Variants in RHOBTB1 observed in about 807,000 individuals in gnomAD.
RHOBTB1 encodes rho-related BTB domain-containing protein 1.
RHOBTB1 carries 40 observed loss-of-function variants against 71.6 expected under a neutral mutation model. The ratio of observed to expected loss-of-function variants is 0.56; its 90% CI spans 0.43 to 0.73. RHOBTB1 has a LOEUF of 0.73. Among genes scored for constraint, RHOBTB1 ranks in the 30% least tolerant of loss-of-function variants. The pLI is 0.00. For synonymous variants in RHOBTB1, 319 were observed against 334.9 expected (o/e 0.95, Z 0.52); for missense variants, 797 against 894.0 (o/e 0.89, Z 1.38).
intron 1 of RHOBTB1, among the ~76,000 whole-genome samples, chr10:60,991,225 G>A (rs933427594): frequency 1.4e-4 from 22 of 151,928 alleles, no homozygotes; most frequent in African/African-American, 7.3e-5. Flanking sequence ...TAAAATTGAT[G>A]ATGTAACTAA....
intron 2 of RHOBTB1, among the ~76,000 whole-genome samples, chr10:60,984,361 A>G (rs2086595546): frequency 6.6e-6 from 1 of 152,196 alleles, no homozygotes; most frequent in Non-Finnish European, 1.5e-5. Context: ...AAAATATTGA[A>G]AGGATTTTAT....
At chr10:60,954,478 C>T (rs564561856) in intron 2 of RHOBTB1, among the ~76,000 whole-genome samples, 1 of 152,236 alleles carries the variant, frequency 6.6e-6, no homozygotes, top group South Asian at 2.1e-4. Context: ...TTATTATTTA[C>T]TCACTGATTG....
At chr10:60,970,177 C>A (rs574210192) in intron 2 of RHOBTB1, among the ~76,000 whole-genome samples, 1 of 152,132 alleles carries the variant, frequency 6.6e-6, no homozygotes, top group South Asian at 2.1e-4. Flanking sequence ...TTAATAGCAA[C>A]CTTTCTGTCA....
At chr10:60,880,730 C>T (rs7081336) in intron 7 of RHOBTB1, among the ~76,000 whole-genome samples, 49,196 of 151,942 alleles carry the variant, frequency 0.32, 8,389 homozygotes, top group African/African-American at 0.44. Flanking sequence ...GATGTTGGAA[C>T]ATTATTCTTC....
chr10:60,949,347 C>T (rs2134370473), intron 2 of RHOBTB1, among the ~76,000 whole-genome samples: 1 of 152,224 alleles, frequency 6.6e-6, no homozygotes, highest in Middle Eastern at 3.4e-3. Context: ...TCCCAAATAC[C>T]ACGGGCTGTC....
At chr10:60,927,415 G>C (rs1158254717) in intron 2 of RHOBTB1, among the ~76,000 whole-genome samples, 2 of 152,154 alleles carry the variant, frequency 1.3e-5, no homozygotes, top group East Asian at 1.9e-4. Flanking sequence ...CAGCTAACCT[G>C]AGCAAAAAGA....
chr10:60,999,288 A>G (rs1157042297), intron 1 of RHOBTB1, among the ~76,000 whole-genome samples: 2 of 152,166 alleles, frequency 1.3e-5, no homozygotes, highest in Non-Finnish European at 2.9e-5. Flanking sequence ...ACAAGTGTCA[A>G]AAAAAAGACA....
chr10:60,954,511 G>T (rs2085520166), intron 2 of RHOBTB1, among the ~76,000 whole-genome samples: 2 of 151,826 alleles, frequency 1.3e-5, no homozygotes, highest in African/African-American at 4.8e-5. Context: ...TTGGGTTTAG[G>T]GTTGCCAGAT....
chr10:60,868,179 T>C (rs983081956), downstream of RHOBTB1, among the ~76,000 whole-genome samples: 2 of 152,192 alleles, frequency 1.3e-5, no homozygotes, highest in Non-Finnish European at 2.9e-5. Context: ...TCTATGACTT[T>C]TATGCAATAG....
In RHOBTB1 at chr10:60,888,633, C is replaced by G; in HGVS notation, c.1035G>C (p.Gln345His). 6.2e-7 allele frequency: 1 copy of G among 1,614,240 alleles called. No homozygotes were observed. The highest frequency in any genetic ancestry group is 1.1e-5 in the South Asian group (1 of 91,086). Residue 345 changes from glutamine (Q) to histidine (H), a missense_variant, in exon 6 of 11, where the codon CAG (glutamine) becomes CAC (histidine). Physicochemically the swap from Gln to His is conservative, Grantham distance 24. This residue lies in a region of RHOBTB1 where 658 missense variants were observed against 681.5 expected (regional missense o/e 0.97). Transcript: ENST00000337910. ...CCAGGCTCTTGTTTGAAGACTTCCA[C>G]TGGTCGGCCTGAGGAATCCTAGGCG... ...EGPPRIPQAD[Q>H]WKSSNKSLVE...
chr10:60,897,352 G>A (rs967810307), intron 4 of RHOBTB1, among the ~76,000 whole-genome samples: 1 of 152,102 alleles, frequency 6.6e-6, no homozygotes, highest in Admixed American at 6.6e-5. Context: ...AACTTTTATT[G>A]TTAAATGAAT....
At position 60,892,772 on chromosome 10, in the gene RHOBTB1, T is replaced by A. The variant is rs1389537200; in HGVS notation, c.482+38A>T. The stretch of plus-strand genomic sequence containing the variant: ...ACACCTGCTGCCTGTAAATTTTAAC[T>A]TGGTCAGGACAGGGAAACACTGAGT... On this transcript the variant is annotated intron_variant, in intron 5 of 10. Transcript: ENST00000337910. 1.9e-6 allele frequency: 3 copies of A among 1,560,206 alleles called. No individual in the cohort carries two copies. In the South Asian group the frequency reaches 3.6e-5, roughly 19 times the overall value.
chr10:60,901,163 A>T (rs1178327630), intron 4 of RHOBTB1, among the ~76,000 whole-genome samples: 1 of 152,236 alleles, frequency 6.6e-6, no homozygotes, highest in Non-Finnish European at 1.5e-5. Flanking sequence ...TACATTGAAA[A>T]AAGAATTCAC....
chr10:60,886,529 A>G (rs1409621627), intron 6 of RHOBTB1, among the ~76,000 whole-genome samples: 3 of 152,062 alleles, frequency 2.0e-5, no homozygotes, highest in East Asian at 3.9e-4. Flanking sequence ...AAGCATATAA[A>G]ACAGTGGAAC....
rs764791596 is a variant in RHOBTB1 at position 60,886,107 on chromosome 10, C to G, written c.1575+5G>C. The G allele has an allele frequency of 6.2e-7, 1 of 1,601,146 alleles. No individual in the cohort carries two copies. Among genetic ancestry groups the G allele is most frequent in the Non-Finnish European group, 8.6e-7 (1 of 1,168,208 alleles). Reference sequence around the variant, plus strand: ...ACACCACTATGCTTTTAGGAAGGCACGTACCTCACTGTTGGCACTTTCCAC... The same window carrying G: ...ACACCACTATGCTTTTAGGAAGGCAGGTACCTCACTGTTGGCACTTTCCAC... On this transcript the variant is annotated splice_donor_5th_base_variant and intron_variant, in intron 7 of 10. Transcript: ENST00000337910.
chr10:60,889,050 T>C lies in RHOBTB1; in HGVS notation c.618A>G (p.Ala206=). The C allele has an allele frequency of 6.2e-7, 1 of 1,614,208 alleles. No homozygotes were observed. Among genetic ancestry groups the C allele is most frequent in the Non-Finnish European group, 8.5e-7 (1 of 1,180,034 alleles). Residue 206 remains alanine, a synonymous_variant, in exon 6 of 11, where the codon GCA becomes GCG. Coordinates refer to ENST00000337910, the MANE Select transcript of RHOBTB1 (RefSeq NM_014836.5). ...IKDVFDNAIR[A]ALISRRHLQF... Reference sequence around the variant, plus strand: ...GCAGGTGCCTGCGGGAAATCAGCGCTGCTCGGATTGCATTGTCAAACACAT... The same window carrying C: ...GCAGGTGCCTGCGGGAAATCAGCGCCGCTCGGATTGCATTGTCAAACACAT...
chr10:60,927,670 A>T (rs2083968326), intron 2 of RHOBTB1, among the ~76,000 whole-genome samples: 1 of 152,212 alleles, frequency 6.6e-6, no homozygotes, highest in African/African-American at 2.4e-5. Context: ...TAAGCAGAAG[A>T]ATGAAACTAG....
intron 5 of RHOBTB1, among the ~76,000 whole-genome samples, chr10:60,892,304 G>A (rs977180988): frequency 2.0e-5 from 3 of 152,096 alleles, no homozygotes; most frequent in Admixed American, 1.3e-4. Flanking sequence ...CTATAGGTCC[G>A]AATGATTTTC....
intron 2 of RHOBTB1, among the ~76,000 whole-genome samples, chr10:60,962,819 G>C (rs931080241): frequency 6.6e-6 from 1 of 151,978 alleles, no homozygotes; most frequent in Non-Finnish European, 1.5e-5. Flanking sequence ...AGTCAGTCCT[G>C]GTTTCCTAAG....
Sources: allele counts gnomAD v4.1 joint callset (sites outside exome capture counted in the v4.1 genomes callset), GRCh38; gene constraint gnomAD v4.1.1; regional missense constraint gnomAD v4.1.1; transcripts MANE v1.5; gene names NCBI Gene and HGNC (gene_info 2026-07-23, HGNC 2026-07-21).